The following WDPCP variants were observed in gnomAD, a reference collection of about 807,000 sequenced individuals.
The protein encoded by WDPCP is WD repeat containing planar cell polarity effector, also known as WD repeat-containing and planar cell polarity effector protein fritz homolog.
In WDPCP, 71 loss-of-function variants were observed where a neutral mutation model predicts 93.1. The observed-to-expected ratio is 0.76, with a 90% confidence interval of 0.63 to 0.93. WDPCP has a LOEUF of 0.93. Among genes scored for constraint, WDPCP ranks in the 40% least tolerant of loss-of-function variants. The pLI is 0.00. For synonymous variants in WDPCP, 315 were observed against 315.0 expected (o/e 1.00, Z 0.00); for missense variants, 844 against 887.4 (o/e 0.95, Z 0.62).
At chr2:63,493,380 T>C (rs1005889195) in intron 1 of WDPCP, among the ~76,000 whole-genome samples, 1 of 152,146 alleles carries the variant, frequency 6.6e-6, no homozygotes, top group Non-Finnish European at 1.5e-5. Flanking sequence ...ATATCCTACA[T>C]ACAAACAGGC....
intron 3 of WDPCP, chr2:63,643,961 G>C (rs1710015024): frequency 6.1e-6 from 3 of 488,108 alleles, no homozygotes; most frequent in Non-Finnish European, 8.3e-6. Flanking sequence ...GGATGGATGA[G>C]GAGTAAACAC....
At chr2:63,434,254 T>C (rs1696981397) in intron 8 of WDPCP, among the ~76,000 whole-genome samples, 1 of 152,154 alleles carries the variant, frequency 6.6e-6, no homozygotes, top group Non-Finnish European at 1.5e-5. Flanking sequence ...CCTACACATA[T>C]GATTTAGGAC....
chr2:63,492,711 T>A, intron 2 of WDPCP, 145 bp downstream of exon 2: 1 of 700,696 alleles, frequency 1.4e-6, no homozygotes, highest in Non-Finnish European at 2.4e-6. Flanking sequence ...TAAAAGGAAT[T>A]ATTTTCCATT....
chr2:63,599,327 C>T (rs760656645), intron 3 of WDPCP: 1 of 1,586,476 alleles, frequency 6.3e-7, no homozygotes, highest in South Asian at 1.2e-5. Flanking sequence ...TGTGGTTGTT[C>T]AACTTTAAAA....
At chr2:63,175,678 A>G (rs1673752259) in intron 14 of WDPCP, among the ~76,000 whole-genome samples, 1 of 152,222 alleles carries the variant, frequency 6.6e-6, no homozygotes, top group South Asian at 2.1e-4. Flanking sequence ...AAGTGGTATC[A>G]TACAGTATTC....
intron 12 of WDPCP, among the ~76,000 whole-genome samples, chr2:63,342,464 C>T (rs900808872): frequency 6.6e-5 from 10 of 152,162 alleles, no homozygotes; most frequent in Non-Finnish European, 2.9e-5. Flanking sequence ...CCAATACTGC[C>T]TTATTTTGCA....
At chr2:63,348,352 T>C (rs996734850) in intron 12 of WDPCP, among the ~76,000 whole-genome samples, 1 of 152,220 alleles carries the variant, frequency 6.6e-6, no homozygotes, top group Non-Finnish European at 1.5e-5. Flanking sequence ...ATAAGTGCTA[T>C]AGCAGAGCTG....
intron 13 of WDPCP, among the ~76,000 whole-genome samples, chr2:63,309,637 T>C (rs1686026690): frequency 6.6e-6 from 1 of 152,188 alleles, no homozygotes; most frequent in Non-Finnish European, 1.5e-5. Flanking sequence ...GTTGTACAAA[T>C]ACAAAATATT....
intron 16 of WDPCP, 89 bp from the exon 17 acceptor site, chr2:63,153,034 C>T: frequency 9.5e-7 from 1 of 1,054,576 alleles, no homozygotes; most frequent in Non-Finnish European, 1.4e-6. Context: ...AACAGAAATG[C>T]TTAAAATAAT....
rs377400751 is a variant in WDPCP, at chr2:63,328,204, G to A, written c.1749-14893C>T. ...ATAAGCACTCCGTCAAAACGGACCC[G>A]TCAGCTCTCTGTAAAATGGACCAAT... On this transcript the variant is annotated intron_variant, in intron 12 of 17. Transcript: ENST00000272321. 1.5e-3 allele frequency among the ~76,000 whole-genome samples: 34 copies of A among 22,918 alleles called. No individual in the cohort carries two copies. In the East Asian group the frequency reaches 0.042, roughly 29 times the overall value. The allele number at this position is 22,918 out of a possible 152,430, so 15.0% of individuals were successfully genotyped here. A position where few individuals can be genotyped will look rare whatever the true frequency, so the allele number is the denominator to read the frequency against.
At chr2:63,321,354 G>A (rs1435246547) in intron 12 of WDPCP, among the ~76,000 whole-genome samples, 1 of 151,140 alleles carries the variant, frequency 6.6e-6, no homozygotes, top group African/African-American at 2.4e-5. Context: ...ATTTTGATAT[G>A]TACTTTGTGT....
intron 2 of WDPCP, among the ~76,000 whole-genome samples, chr2:63,737,495 G>C (rs139286210): frequency 9.8e-5 from 15 of 152,308 alleles, no homozygotes; most frequent in African/African-American, 3.4e-4. Flanking sequence ...TGCTGGGCTA[G>C]AAGCAACCTG....
intron 12 of WDPCP, among the ~76,000 whole-genome samples, chr2:63,314,614 T>C (rs962957320): frequency 6.6e-6 from 1 of 152,158 alleles, no homozygotes; most frequent in African/African-American, 2.4e-5. Flanking sequence ...CTTCCTTAGA[T>C]GTGTTCTTAG....
intron 1 of WDPCP, among the ~76,000 whole-genome samples, chr2:63,572,413 G>A (rs1489277266): frequency 1.3e-5 from 2 of 151,930 alleles, no homozygotes; most frequent in Non-Finnish European, 1.5e-5. Flanking sequence ...ATTATAAATT[G>A]GACAGTAGGC....
chr2:63,754,618 G>A (rs1669934005), intron 2 of WDPCP, among the ~76,000 whole-genome samples: 1 of 152,168 alleles, frequency 6.6e-6, no homozygotes, highest in Non-Finnish European at 1.5e-5. Flanking sequence ...TGGCTCTAAA[G>A]TTTATTTCTC....
intron 13 of WDPCP, among the ~76,000 whole-genome samples, chr2:63,304,478 G>A (rs1685566413): frequency 6.6e-6 from 1 of 152,212 alleles, no homozygotes; most frequent in South Asian, 2.1e-4. Context: ...GAAGCACAAG[G>A]GGTCGGGGAA....
In WDPCP at chr2:63,503,786, C is replaced by T. The variant is rs557661485; in HGVS notation, c.76-10846G>A. ...AACTCCTAAATAGCTAAAATAAAGG[C>T]AAGAGAACACTGAAATGCTCTTATC... is the stretch of plus-strand genomic sequence containing the variant. On this transcript the variant is annotated intron_variant, in intron 1 of 17. Transcript: ENST00000272321. Among the ~76,000 whole-genome samples, 7 of 151,530 alleles carry T rather than the reference C, an allele frequency of 4.6e-5. No homozygotes were observed. The South Asian group carries it at 1.5e-3, about 32-fold the overall frequency.
At chr2:63,372,643 A>AATC in intron 12 of WDPCP, among the ~76,000 whole-genome samples, 1 of 152,270 alleles carries the variant, frequency 6.6e-6, no homozygotes, top group African/African-American at 2.4e-5. Flanking sequence ...TTGTTTGCTT[A>AATC]ATCTATCAAT....
chr2:63,597,663 C>T (rs1397479887), intron 3 of WDPCP: 6 of 1,196,232 alleles, frequency 5.0e-6, no homozygotes, highest in African/African-American at 1.6e-5. Flanking sequence ...AATTATTTGC[C>T]CTTTTTTCTA....
Sources: gnomAD v4.1 joint callset for allele counts (sites outside exome capture counted in the v4.1 genomes callset) on GRCh38, gnomAD v4.1.1 for gene constraint, MANE v1.5 for transcripts, NCBI Gene and HGNC (gene_info 2026-07-23, HGNC 2026-07-21) for gene names.